The following GNPAT variants were observed in gnomAD, a reference collection of about 807,000 sequenced individuals.
The protein encoded by GNPAT is glyceronephosphate O-acyltransferase.
Under a neutral mutation model 78.4 loss-of-function variants are expected in GNPAT, and 30 were observed. That is an observed-to-expected ratio of 0.38 (90% CI 0.29 to 0.52). The LOEUF (loss-of-function observed/expected upper bound fraction) is 0.52, where lower values mean the gene tolerates loss of function less well. Among genes scored for constraint, GNPAT ranks in the 20% least tolerant of loss-of-function variants. GNPAT has a pLI of 0.84. For synonymous variants in GNPAT, 271 were observed against 281.1 expected (o/e 0.96, Z 0.36); for missense variants, 714 against 812.2 (o/e 0.88, Z 1.47).
chr1:231,247,205 A>G (rs1684773968), intron 1 of GNPAT, among the ~76,000 whole-genome samples: 2 of 152,034 alleles, frequency 1.3e-5, no homozygotes, highest in South Asian at 4.2e-4. Flanking sequence ...GGTAAGGGCC[A>G]GAATGGGGAG....
chr1:231,274,200 C>T (rs41271507), intron 12 of GNPAT, 138 bp downstream of exon 12: 8 of 811,514 alleles, frequency 9.9e-6, no homozygotes, highest in South Asian at 2.8e-5. Flanking sequence ...GTGACTAATA[C>T]GATCAGTGAT....
At chr1:231,277,389 C>T in intron 15 of GNPAT, 110 bp from the exon 16 acceptor site, 1 of 774,794 alleles carries the variant, frequency 1.3e-6, no homozygotes, top group Non-Finnish European at 2.4e-6. Flanking sequence ...GCCTGTGAAG[C>T]TCTGCACAAG....
chr1:231,241,318 C>G lies in GNPAT; in HGVS notation c.-61C>G. 2.7e-6 allele frequency: 4 copies of G among 1,464,468 alleles called. No homozygotes were observed. The highest frequency in any genetic ancestry group is 2.3e-5 in the South Asian group (2 of 88,190). The allele number at this position is 1,464,468 out of a possible 1,614,324, so 90.7% of individuals were successfully genotyped here. The stretch of plus-strand genomic sequence containing the variant: ...TCCTGAGCGAAAGAACCGCCCCCAG[C>G]AGGAGCACCACCACGGCTTAGCAAA... On this transcript the variant is annotated 5_prime_UTR_variant, in exon 1 of 16. Coordinates refer to ENST00000366647, the MANE Select transcript of GNPAT (RefSeq NM_014236.4).
chr1:231,262,518 A>G (rs1685249552), intron 3 of GNPAT, among the ~76,000 whole-genome samples: 1 of 152,214 alleles, frequency 6.6e-6, no homozygotes, highest in South Asian at 2.1e-4. Flanking sequence ...TACATTTTTA[A>G]TATTCTTGCA....
chr1:231,272,464 A>G, intron 11 of GNPAT, 73 bp downstream of exon 11: 1 of 839,014 alleles, frequency 1.2e-6, no homozygotes. Context: ...GAATTCACAG[A>G]TGTGTCTCAG....
chr1:231,259,851 G>C (rs1037503713), intron 2 of GNPAT, among the ~76,000 whole-genome samples: 2 of 152,144 alleles, frequency 1.3e-5, no homozygotes, highest in Non-Finnish European at 2.9e-5. Flanking sequence ...TGCTTGTTTA[G>C]GGGACAATGA....
chr1:231,259,057 A>G (rs1395886681), intron 2 of GNPAT, among the ~76,000 whole-genome samples: 1 of 152,022 alleles, frequency 6.6e-6, no homozygotes, highest in Non-Finnish European at 1.5e-5. Context: ...TTCTCATTCA[A>G]ACTTTCCCAT....
chr1:231,243,991 C>G (rs939344509), intron 1 of GNPAT, among the ~76,000 whole-genome samples: 8 of 152,006 alleles, frequency 5.3e-5, no homozygotes, highest in African/African-American at 1.9e-4. Flanking sequence ...TCACTGCAAC[C>G]TCCACCTCCA....
intron 1 of GNPAT, among the ~76,000 whole-genome samples, chr1:231,242,845 CT>C (rs1391585302): frequency 6.6e-6 from 1 of 152,202 alleles, no homozygotes; most frequent in Non-Finnish European, 1.5e-5. Context: ...GCAGTTGTAT[CT>C]GAGCATTCTG....
intron 1 of GNPAT, 69 bp downstream of exon 1, chr1:231,241,525 A>T (rs1053484634): frequency 1.7e-6 from 2 of 1,151,508 alleles, no homozygotes; most frequent in African/African-American, 3.0e-5. Flanking sequence ...CCCAGTCCCT[A>T]TTCCTCCGGC....
intron 8 of GNPAT, among the ~76,000 whole-genome samples, chr1:231,267,401 G>A (rs1326880469): frequency 2.6e-5 from 4 of 152,178 alleles, no homozygotes; most frequent in Admixed American, 2.0e-4. Flanking sequence ...GAGAAACGAT[G>A]TATCCTATTT....
At chr1:231,246,560 G>T (rs113635950) in intron 1 of GNPAT, among the ~76,000 whole-genome samples, 2 of 152,302 alleles carry the variant, frequency 1.3e-5, no homozygotes, top group African/African-American at 2.4e-5. Context: ...TAAGTAAGAT[G>T]GGGGAGAGAT....
Position 231,270,960 on chromosome 1 carries a change from AG to A in GNPAT, c.1483del (p.Val495Ter), listed in dbSNP as rs749069446. ...LLNIFVRPSL[V>X]AVALQMTPGF... ...TCAACATTTTTGTGCGCCCATCCTT[AG>A]TAGCAGTAGCATTGCAGATGACACC... On this transcript the variant is annotated frameshift_variant, in exon 10 of 16. Transcript: ENST00000366647. LOFTEE classifies it high-confidence loss of function. The A allele has an allele frequency of 9.3e-6, 15 of 1,614,124 alleles. No individual in the cohort carries two copies. The highest frequency in any genetic ancestry group is 1.3e-5 in the Non-Finnish European group (15 of 1,179,936).
rs1304787390 is a variant in GNPAT, at chr1:231,277,575, C to T, written c.*33C>T. The T allele has an allele frequency of 6.1e-6, 8 of 1,308,640 alleles. No homozygotes were observed. In the East Asian group the frequency reaches 6.9e-5, roughly 11 times the overall value. 81.1% of individuals were successfully genotyped at this position (1,308,640 alleles called of 1,614,324 possible). ...CAAATAGTTATGGAAAATTCGGTCA[C>T]GTAATTACTCTCATCGAAGGACTCA... is the stretch of plus-strand genomic sequence containing the variant. On this transcript the variant is annotated 3_prime_UTR_variant, in exon 16 of 16. Coordinates refer to ENST00000366647, the MANE Select transcript of GNPAT (RefSeq NM_014236.4).
Position 231,266,092 on chromosome 1 carries a change from A to T in GNPAT, c.851A>T (p.Tyr284Phe). ...TACCTTGTCCCAATTAGTATCAGTT[A>T]TGATAAGATCTTGGAAGAAACTCTT... is the stretch of plus-strand genomic sequence containing the variant. ...DTYLVPISIS[Y>F]DKILEETLYV... Residue 284 changes from tyrosine to phenylalanine, a missense_variant, in exon 7 of 16, where the codon TAT (tyrosine) becomes TTT (phenylalanine). Tyr to Phe is a conservative substitution (Grantham distance 22, BLOSUM62 3). Transcript: ENST00000366647. 6.2e-7 allele frequency: 1 copy of T among 1,611,340 alleles called. No homozygotes were observed. Among genetic ancestry groups the T allele is most frequent in the Non-Finnish European group, 8.5e-7 (1 of 1,177,554 alleles).
intron 8 of GNPAT, 43 bp from the exon 9 acceptor site, chr1:231,267,637 A>G (rs527485514): frequency 3.3e-5 from 36 of 1,102,614 alleles, no homozygotes; most frequent in Admixed American, 2.5e-4. Context: ...CATTTGTCTA[A>G]GTAACAGAAC....
chr1:231,253,742 A>T (rs893920920), intron 2 of GNPAT, among the ~76,000 whole-genome samples: 1 of 152,214 alleles, frequency 6.6e-6, no homozygotes, highest in African/African-American at 2.4e-5. Context: ...TACTATTATT[A>T]TCTACTAGGA....
Position 231,252,003 on chromosome 1 carries a change from G to C in GNPAT, c.261+860G>C, listed in dbSNP as rs116077396. 2.1e-3 allele frequency among the ~76,000 whole-genome samples: 326 copies of C among 152,304 alleles called. 1 individual carries two copies. The highest frequency in any genetic ancestry group is 3.1e-3 in the Non-Finnish European group (208 of 68,020). The stretch of plus-strand genomic sequence containing the variant: ...GAAATAAGCCTAGAGAGGTAAGAGG[G>C]TCATGTTATGAAGGACTTTGTAAAC... On this transcript the variant is annotated intron_variant, in intron 2 of 15. Coordinates refer to ENST00000366647, the MANE Select transcript of GNPAT (RefSeq NM_014236.4).
chr1:231,261,130 ATT>A (rs1685212104), intron 3 of GNPAT, among the ~76,000 whole-genome samples: 1 of 152,218 alleles, frequency 6.6e-6, no homozygotes, highest in Non-Finnish European at 1.5e-5. Context: ...GGAAATTAAC[ATT>A]GAACAAATAC....
Sources: allele counts gnomAD v4.1 joint callset (sites outside exome capture counted in the v4.1 genomes callset), GRCh38; gene constraint gnomAD v4.1.1; transcripts MANE v1.5; gene names NCBI Gene and HGNC (gene_info 2026-07-23, HGNC 2026-07-21).